ERC2: variants seen among roughly 807,000 people sequenced by gnomAD.
ERC2 encodes ELKS/RAB6-interacting/CAST family member 2.
Under a neutral mutation model 114.8 loss-of-function variants are expected in ERC2, and 42 were observed. That is an observed-to-expected ratio of 0.37 (90% confidence interval 0.29 to 0.47). ERC2 has a LOEUF of 0.47. Among genes scored for constraint, ERC2 ranks in the 20% least tolerant of loss-of-function variants. The probability of loss-of-function intolerance (pLI) is 0.99; values close to 1 mark genes in which losing one functional copy is unlikely to be tolerated. For synonymous variants in ERC2, 454 were observed against 425.5 expected (o/e 1.07, Z -0.82); for missense variants, 939 against 1,150.7 (o/e 0.82, Z 2.66).
chr3:55,848,200 T>A (rs910688191), intron 14 of ERC2, among the ~76,000 whole-genome samples: 4 of 152,226 alleles, frequency 2.6e-5, no homozygotes, highest in African/African-American at 2.4e-5. Flanking sequence ...TTATGCATCA[T>A]CTGAAGCCGT....
At chr3:55,741,777 G>A (rs1202742625) in intron 14 of ERC2, among the ~76,000 whole-genome samples, 2 of 152,098 alleles carry the variant, frequency 1.3e-5, no homozygotes, top group Non-Finnish European at 2.9e-5. Flanking sequence ...ATACTAGGAA[G>A]GAAGATAAGA....
At chr3:55,787,567 T>C (rs2069615880) in intron 14 of ERC2, among the ~76,000 whole-genome samples, 2 of 152,198 alleles carry the variant, frequency 1.3e-5, no homozygotes, top group Non-Finnish European at 2.9e-5. Context: ...TTTTCACTAG[T>C]AACTTTTCAT....
chr3:55,512,262 T>C (rs1173490319), intron 17 of ERC2, among the ~76,000 whole-genome samples: 1 of 152,224 alleles, frequency 6.6e-6, no homozygotes, highest in African/African-American at 2.4e-5. Context: ...ATATGTGGCT[T>C]GGATGAACTC....
intron 2 of ERC2, among the ~76,000 whole-genome samples, chr3:56,308,300 T>C (rs1324956433): frequency 6.6e-6 from 1 of 152,204 alleles, no homozygotes; most frequent in African/African-American, 2.4e-5. Flanking sequence ...AATTTCATCT[T>C]GAACAACTCA....
At position 56,100,727 on chromosome 3, in the gene ERC2, G is replaced by C. The variant is rs74690889; in HGVS notation, c.1474-19743C>G. 6.7e-3 allele frequency among the ~76,000 whole-genome samples: 1,022 copies of C among 152,282 alleles called. 12 individuals carry two copies. The highest frequency in any genetic ancestry group is 0.023 in the African/African-American group (947 of 41,542). ...ATCTTTCCTCAGAAGATCAGGGATA[G>C]GGCATGCTCCCATGCCATTCCTTTC... is the stretch of plus-strand genomic sequence containing the variant. On this transcript the variant is annotated intron_variant, in intron 6 of 17. Transcript: ENST00000288221.
chr3:55,544,265 G>T (rs2054593259), intron 17 of ERC2, among the ~76,000 whole-genome samples: 1 of 152,106 alleles, frequency 6.6e-6, no homozygotes, highest in Non-Finnish European at 1.5e-5. Context: ...GCTTGGGTTG[G>T]GCAAGTGTTC....
intron 17 of ERC2, among the ~76,000 whole-genome samples, chr3:55,534,614 C>T (rs554593195): frequency 1.3e-5 from 2 of 152,004 alleles, no homozygotes; most frequent in Non-Finnish European, 2.9e-5. Flanking sequence ...GAGGATCAAT[C>T]GAGCCTGGGA....
At chr3:56,270,581 G>A (rs2053591941) in intron 3 of ERC2, among the ~76,000 whole-genome samples, 1 of 152,182 alleles carries the variant, frequency 6.6e-6, no homozygotes, top group African/African-American at 2.4e-5. Flanking sequence ...GCTGTAGTGT[G>A]TTTCCCACCA....
At chr3:55,619,438 G>A (rs1302887176) in intron 17 of ERC2, among the ~76,000 whole-genome samples, 3 of 152,120 alleles carry the variant, frequency 2.0e-5, no homozygotes, top group Non-Finnish European at 4.4e-5. Flanking sequence ...ACTGATCCTC[G>A]CACATTTCTG....
At chr3:56,169,038 T>C (rs1263342990) in intron 4 of ERC2, among the ~76,000 whole-genome samples, 1 of 152,208 alleles carries the variant, frequency 6.6e-6, no homozygotes, top group Non-Finnish European at 1.5e-5. Flanking sequence ...ACCGTGGGAC[T>C]GGAAAGCTAA....
At chr3:56,090,581 AAG>A (rs2077731956) in intron 6 of ERC2, among the ~76,000 whole-genome samples, 1 of 152,194 alleles carries the variant, frequency 6.6e-6, no homozygotes, top group Non-Finnish European at 1.5e-5. Flanking sequence ...TATAAACTCT[AAG>A]AACTTAAATA....
chr3:56,233,552 G>A (rs11130503), intron 3 of ERC2, among the ~76,000 whole-genome samples: 68,109 of 151,318 alleles, frequency 0.45, 15,843 homozygotes, highest in East Asian at 0.72. Flanking sequence ...GCTGATGCAG[G>A]AGAATTGCTT....
Position 56,149,140 on chromosome 3 carries a change from TAAA to T in ERC2, c.1150-11_1150-9del. On this transcript the variant is annotated splice_polypyrimidine_tract_variant and intron_variant, in intron 4 of 17. Coordinates refer to ENST00000288221, the MANE Select transcript of ERC2 (RefSeq NM_015576.3). ...TGAAGCGATTTTTGTGTCCTGTTGG[TAAA>T]GAAGAAAAGAAAAAGAAAAATAAAG... The T allele has an allele frequency of 5.1e-6, 8 of 1,584,154 alleles. No individual in the cohort carries two copies. In the South Asian group the frequency reaches 8.2e-5, roughly 16 times the overall value.
intron 12 of ERC2, among the ~76,000 whole-genome samples, chr3:55,962,811 C>A (rs1174687805): frequency 6.6e-6 from 1 of 152,212 alleles, no homozygotes; most frequent in African/African-American, 2.4e-5. Flanking sequence ...CTATGCCAAC[C>A]AACTGTGCAG....
At chr3:56,279,619 G>A (rs560486112) in intron 3 of ERC2, among the ~76,000 whole-genome samples, 5 of 152,236 alleles carry the variant, frequency 3.3e-5, no homozygotes, top group Non-Finnish European at 7.3e-5. Context: ...GTGGAAAAAT[G>A]TAGGCAGGGG....
At chr3:56,003,654 A>G (rs947986841) in intron 10 of ERC2, among the ~76,000 whole-genome samples, 1 of 152,148 alleles carries the variant, frequency 6.6e-6, no homozygotes. Flanking sequence ...ATAGCAAAAT[A>G]TCAGTCAGAC....
intron 14 of ERC2, among the ~76,000 whole-genome samples, chr3:55,866,650 A>C (rs994129227): frequency 6.6e-6 from 1 of 152,156 alleles, no homozygotes; most frequent in Non-Finnish European, 1.5e-5. Context: ...GCATGATGTG[A>C]AAGAGCCCTG....
At chr3:56,143,114 G>A (rs562888936) in intron 5 of ERC2, among the ~76,000 whole-genome samples, 97 of 152,270 alleles carry the variant, frequency 6.4e-4, no homozygotes, top group African/African-American at 2.3e-3. Context: ...TAAGTGTGAG[G>A]AGGGGGAATA....
intron 3 of ERC2, among the ~76,000 whole-genome samples, chr3:56,245,490 A>ATG (rs975998214): frequency 7.2e-6 from 1 of 139,334 alleles, no homozygotes; most frequent in African/African-American, 2.7e-5. Flanking sequence ...AGACGTATGT[A>ATG]TGTGTGTGTG....
Sources: gnomAD v4.1 joint callset for allele counts (sites outside exome capture counted in the v4.1 genomes callset) on GRCh38, gnomAD v4.1.1 for gene constraint, MANE v1.5 for transcripts, NCBI Gene and HGNC (gene_info 2026-07-23, HGNC 2026-07-21) for gene names.